The following PCDH15 variants were observed in gnomAD, a reference collection of about 807,000 sequenced individuals.
PCDH15 encodes protocadherin-15.
In PCDH15, 129 loss-of-function variants were observed where a neutral mutation model predicts 178.5. The ratio of observed to expected loss-of-function variants is 0.72; its 90% CI spans 0.63 to 0.84. PCDH15 has a LOEUF of 0.84. Ranked by LOEUF, PCDH15 falls within the 40% of genes least tolerant of loss-of-function variation. The pLI, the probability that PCDH15 is intolerant of heterozygous loss-of-function variation, is 0.00. For missense variants in PCDH15, 2,230 were observed against 2,099.9 expected, an observed-to-expected ratio of 1.06 and a Z score of -1.21; for synonymous variants, 800 against 732.0, an observed-to-expected ratio of 1.09 and a Z score of -1.50.
chr10:55,038,276 T>A (rs1045057759), intron 2 of PCDH15, among the ~76,000 whole-genome samples: 2 of 152,210 alleles, frequency 1.3e-5, no homozygotes, highest in Admixed American at 1.3e-4. Context: ...ATAAGAAAAC[T>A]TTTATTTTCT....
chr10:55,390,639 C>G (rs932597630), intron 2 of PCDH15, among the ~76,000 whole-genome samples: 1 of 152,130 alleles, frequency 6.6e-6, no homozygotes, highest in Non-Finnish European at 1.5e-5. Context: ...ACTGCAGCTA[C>G]AGCATTATAA....
intron 9 of PCDH15, among the ~76,000 whole-genome samples, chr10:54,223,320 A>AAG (rs1158608238): frequency 1.6e-5 from 2 of 122,764 alleles, no homozygotes; most frequent in African/African-American, 5.4e-5. Flanking sequence ...AAAAAAAAAA[A>AAG]AAAAGAGAAA....
chr10:54,721,892 CAAA>C (rs1941677391), intron 1 of PCDH15, among the ~76,000 whole-genome samples: 1 of 151,694 alleles, frequency 6.6e-6, no homozygotes, highest in Non-Finnish European at 1.5e-5. Context: ...ATCTTGATAA[CAAA>C]ATCGAGCGAG....
chr10:55,220,004 T>G (rs1302812168), intron 1 of PCDH15, among the ~76,000 whole-genome samples: 1 of 151,894 alleles, frequency 6.6e-6, no homozygotes, highest in Non-Finnish European at 1.5e-5. Context: ...GTAGACCACA[T>G]GGATACCTCC....
chr10:54,737,465 T>C (rs922460706), intron 1 of PCDH15, among the ~76,000 whole-genome samples: 1 of 152,150 alleles, frequency 6.6e-6, no homozygotes, highest in Non-Finnish European at 1.5e-5. Context: ...TGAGCAATCC[T>C]GCTTACAGAA....
At chr10:54,766,884 A>G (rs890395486) in intron 1 of PCDH15, among the ~76,000 whole-genome samples, 6 of 151,854 alleles carry the variant, frequency 4.0e-5, no homozygotes, top group African/African-American at 1.5e-4. Flanking sequence ...GAGCCGAGAT[A>G]GCACCACTGC....
In PCDH15 at chr10:53,827,520, G is replaced by C; in HGVS notation, c.4240C>G (p.Arg1414Gly). ...VRQAECTKTA[R>G]IQAALPAAKP... ...GCCGCGGGTAATGCGGCCTGAATTC[G>C]TGCAGTCTTTGTACACTCAGCTTGA... The change falls in exon 32 of 38, where the codon CGA (arginine) becomes GGA (glycine). Residue 1414 changes from arginine to glycine, a missense_variant. Arg to Gly is a moderately radical substitution (Grantham distance 125). Coordinates refer to ENST00000644397, the MANE Select transcript of PCDH15 (RefSeq NM_001384140.1). 4.3e-6 allele frequency: 7 copies of C among 1,614,114 alleles called. No homozygotes were observed. Among genetic ancestry groups the C allele is most frequent in the Non-Finnish European group, 5.9e-6 (7 of 1,179,966 alleles).
At chr10:55,324,027 A>G (rs1843970512), upstream of PCDH15, among the ~76,000 whole-genome samples, 1 of 152,056 alleles carries the variant, frequency 6.6e-6, no homozygotes, top group African/African-American at 2.4e-5. Context: ...ACAAGATCTG[A>G]AGCTTTTTCA....
intron 2 of PCDH15, among the ~76,000 whole-genome samples, chr10:55,052,498 A>T: frequency 7.2e-6 from 1 of 139,648 alleles, no homozygotes; most frequent in Non-Finnish European, 1.5e-5. Flanking sequence ...TCAGGAGTTC[A>T]AGACCAGCCT....
intron 2 of PCDH15, among the ~76,000 whole-genome samples, chr10:55,499,473 C>T (rs904098767): frequency 6.7e-5 from 10 of 150,356 alleles, no homozygotes; most frequent in South Asian, 2.1e-4. Flanking sequence ...GCATCTCTCA[C>T]CATGTCTCAT....
Position 54,364,272 on chromosome 10 carries a change from AT to A in PCDH15, c.474+4847del, listed in dbSNP as rs565290276. 7.4e-5 allele frequency among the ~76,000 whole-genome samples: 11 copies of A among 149,266 alleles called. No individual in the cohort carries two copies. In the East Asian group the frequency reaches 7.8e-4, roughly 11 times the overall value. On this transcript the variant is annotated intron_variant, in intron 5 of 37. Transcript: ENST00000644397. ...TTGCTGAACTCACTTTTTAACTGTAATTTTTTTTTTCTGTAAATACTGTTGG... is the reference window on the plus strand; with the variant it reads ...TTGCTGAACTCACTTTTTAACTGTAATTTTTTTTTCTGTAAATACTGTTGG...
chr10:54,568,602 T>C (rs2089362484), intron 2 of PCDH15: 1 of 152,118 alleles, frequency 6.6e-6, no homozygotes, highest in Non-Finnish European at 1.5e-5. Flanking sequence ...CCTGCTATAC[T>C]GAGAGGACAA....
At chr10:54,017,701 A>G (rs1247430972) in intron 20 of PCDH15, among the ~76,000 whole-genome samples, 1 of 152,094 alleles carries the variant, frequency 6.6e-6, no homozygotes, top group Non-Finnish European at 1.5e-5. Flanking sequence ...TATATTCACT[A>G]TCTAGTTGAC....
At chr10:55,323,086 G>T (rs144443238), upstream of PCDH15, among the ~76,000 whole-genome samples, 1 of 152,314 alleles carries the variant, frequency 6.6e-6, no homozygotes, top group Non-Finnish European at 1.5e-5. Context: ...TCAAGCTCAA[G>T]TTTCAAAGGG....
Position 54,566,311 on chromosome 10 carries a change from T to C in PCDH15, c.92-38434A>G, listed in dbSNP as rs545582489. ...ATCCCCCACCAACGTGGTACACTTG[T>C]TACAGTTGATGAAACTTCATTTACA... On this transcript the variant is annotated intron_variant, in intron 2 of 37. Coordinates refer to ENST00000644397, the MANE Select transcript of PCDH15 (RefSeq NM_001384140.1). Among the ~76,000 whole-genome samples the C allele has an allele frequency of 3.9e-5, 6 of 152,268 alleles. No individual in the cohort carries two copies. The East Asian group carries it at 1.2e-3, about 30-fold the overall frequency.
rs2133836407 is a variant in PCDH15, at chr10:54,187,314, T to A, written c.1306-2046A>T. Among the ~76,000 whole-genome samples the A allele has an allele frequency of 2.6e-5, 4 of 152,084 alleles. No individual in the cohort carries two copies. In the Middle Eastern group the frequency reaches 0.014, roughly 517 times the overall value. Reference sequence around the variant, plus strand: ...AATTTGTTAGGTATATTCACTCATATCTTCACATTTTTAAGCATTTTTGTG... The same window carrying A: ...AATTTGTTAGGTATATTCACTCATAACTTCACATTTTTAAGCATTTTTGTG... On this transcript the variant is annotated intron_variant, in intron 11 of 37. Coordinates refer to ENST00000644397, the MANE Select transcript of PCDH15 (RefSeq NM_001384140.1).
At chr10:55,042,277 T>C (rs963818044) in intron 2 of PCDH15, among the ~76,000 whole-genome samples, 1 of 151,860 alleles carries the variant, frequency 6.6e-6, no homozygotes, top group African/African-American at 2.4e-5. Flanking sequence ...ATATAAGGAG[T>C]AGACTACTTG....
intron 3 of PCDH15, among the ~76,000 whole-genome samples, chr10:54,394,736 C>T (rs572997625): frequency 7.9e-5 from 12 of 152,184 alleles, no homozygotes; most frequent in South Asian, 4.1e-4. Context: ...AGCCTGGGAG[C>T]GCTATGGAAG....
At chr10:55,105,862 G>T (rs957967608) in intron 2 of PCDH15, among the ~76,000 whole-genome samples, 1 of 151,812 alleles carries the variant, frequency 6.6e-6, no homozygotes, top group African/African-American at 2.4e-5. Context: ...TTCTTAAATG[G>T]ATATTCTGAG....
Sources: allele counts gnomAD v4.1 joint callset (sites outside exome capture counted in the v4.1 genomes callset), GRCh38; gene constraint gnomAD v4.1.1; transcripts MANE v1.5; gene names NCBI Gene and HGNC (gene_info 2026-07-23, HGNC 2026-07-21).